The following TPRG1 variants were observed in gnomAD, a reference collection of about 807,000 sequenced individuals.
The protein encoded by TPRG1 is tumor protein p63 regulated 1.
In TPRG1, 29 loss-of-function variants were observed where a neutral mutation model predicts 29.3. The ratio of observed to expected loss-of-function variants is 0.99; its 90% CI spans 0.74 to 1.35. The LOEUF is 1.35. Ranked by LOEUF, TPRG1 falls within the 40% of genes most tolerant of loss-of-function variation. The probability of loss-of-function intolerance (pLI) is 0.00; values close to 1 mark genes in which losing one functional copy is unlikely to be tolerated. For missense variants in TPRG1, 327 were observed against 335.0 expected (o/e 0.98, Z 0.19); for synonymous variants, 130 against 116.8 (o/e 1.11, Z -0.73).
At chr3:189,217,990 G>A (rs528151933) in intron 3 of TPRG1, 2 of 985,352 alleles carry the variant, frequency 2.0e-6, no homozygotes, top group African/African-American at 3.5e-5. Flanking sequence ...AAACAAACAT[G>A]CAGGCCCAGA....
At position 189,268,517 on chromosome 3, in the gene TPRG1, A is replaced by G. The variant is rs187610298; in HGVS notation, c.479+29608A>G. Among the ~76,000 whole-genome samples, 98 of 152,320 alleles carry G rather than the reference A, an allele frequency of 6.4e-4. 1 individual carries two copies. The East Asian group carries it at 0.017, about 26-fold the overall frequency. ...CCTCCTTAGGAAGTTGTTGCCTAAG[A>G]ATTCCTGCAGAGGGCAGGATCCCAT... On this transcript the variant is annotated intron_variant, in intron 4 of 5. Transcript: ENST00000345063.
chr3:189,197,826 G>T (rs563860829), intron 1 of TPRG1, among the ~76,000 whole-genome samples: 7 of 152,188 alleles, frequency 4.6e-5, no homozygotes, highest in Non-Finnish European at 7.3e-5. Context: ...AGAGAGAAGT[G>T]AGAAATAGAT....
At chr3:189,282,188 A>G (rs2109142507) in intron 4 of TPRG1, among the ~76,000 whole-genome samples, 1 of 144,454 alleles carries the variant, frequency 6.9e-6, no homozygotes, top group South Asian at 2.3e-4. Flanking sequence ...AACCCAGGGC[A>G]ATGTCAGTAG....
At chr3:189,122,393 A>G (rs972766148) in intron 1 of TPRG1, among the ~76,000 whole-genome samples, 5 of 152,236 alleles carry the variant, frequency 3.3e-5, no homozygotes, top group East Asian at 1.9e-4. Context: ...ACATCTCCCT[A>G]TGCTTTTCCC....
chr3:189,233,208 G>T (rs935401293), intron 3 of TPRG1, among the ~76,000 whole-genome samples: 2 of 151,950 alleles, frequency 1.3e-5, no homozygotes, highest in East Asian at 3.9e-4. Flanking sequence ...TTGTGTGCAA[G>T]AGAGGGAGAC....
At chr3:189,272,708 T>C (rs1210664778) in intron 4 of TPRG1, among the ~76,000 whole-genome samples, 4 of 132,222 alleles carry the variant, frequency 3.0e-5, no homozygotes, top group Admixed American at 1.5e-4. Context: ...TTTCTTTCTT[T>C]CTTTCTCCTT....
intron 2 of TPRG1, among the ~76,000 whole-genome samples, chr3:189,132,178 A>G (rs976994134): frequency 2.4e-4 from 37 of 152,288 alleles, no homozygotes; most frequent in Admixed American, 2.3e-3. Context: ...GAGTGAGCCC[A>G]AAAGAAAGGT....
chr3:189,030,836 A>G (rs1428774558), intron 4 of TPRG1, among the ~76,000 whole-genome samples: 1 of 152,200 alleles, frequency 6.6e-6, no homozygotes. Flanking sequence ...CATTTTACAG[A>G]TGAGGAAACT....
At chr3:189,213,881 A>G (rs1328506321) in intron 2 of TPRG1, among the ~76,000 whole-genome samples, 1 of 152,028 alleles carries the variant, frequency 6.6e-6, no homozygotes, top group East Asian at 1.9e-4. Flanking sequence ...ACTTCATCAT[A>G]TTGTATTGTA....
intron 4 of TPRG1, among the ~76,000 whole-genome samples, chr3:189,290,895 G>A (rs574762496): frequency 1.3e-5 from 2 of 152,102 alleles, no homozygotes; most frequent in South Asian, 4.2e-4. Flanking sequence ...ATCTTTAGTG[G>A]CCCATTTCTT....
upstream of TPRG1, chr3:189,171,827 C>T (rs1487134193): frequency 6.6e-6 from 1 of 152,210 alleles, no homozygotes; most frequent in Non-Finnish European, 1.5e-5. Flanking sequence ...AGGGAGAGGA[C>T]AGGAGGTAAA....
At chr3:189,198,913 A>T (rs1301948562) in intron 1 of TPRG1, among the ~76,000 whole-genome samples, 2 of 152,206 alleles carry the variant, frequency 1.3e-5, no homozygotes. Context: ...TTCTCTAGTC[A>T]ATATCTTTGT....
intron 4 of TPRG1, among the ~76,000 whole-genome samples, chr3:189,044,842 A>G (rs1389262599): frequency 6.6e-6 from 1 of 152,198 alleles, no homozygotes; most frequent in African/African-American, 2.4e-5. Flanking sequence ...GAATGATATG[A>G]TCAGATCAAA....
chr3:189,287,873 C>T (rs566552997), intron 4 of TPRG1, among the ~76,000 whole-genome samples: 27 of 151,810 alleles, frequency 1.8e-4, no homozygotes, highest in East Asian at 3.9e-4. Flanking sequence ...AATGAAAGAA[C>T]GTTTTAGGTG....
At chr3:189,267,259 T>C (rs1046581527) in intron 4 of TPRG1, among the ~76,000 whole-genome samples, 1 of 152,206 alleles carries the variant, frequency 6.6e-6, no homozygotes, top group Non-Finnish European at 1.5e-5. Flanking sequence ...GGCTATACCA[T>C]CTAGCCTTGT....
At chr3:189,149,546 C>T (rs892916599) in intron 4 of TPRG1, among the ~76,000 whole-genome samples, 1 of 152,214 alleles carries the variant, frequency 6.6e-6, no homozygotes, top group African/African-American at 2.4e-5. Flanking sequence ...GACTGGTCCC[C>T]TGATGGGCAA....
intron 2 of TPRG1, among the ~76,000 whole-genome samples, chr3:189,213,054 G>A (rs1735517327): frequency 6.6e-6 from 1 of 152,286 alleles, no homozygotes; most frequent in South Asian, 2.1e-4. Flanking sequence ...GCTGCATGAT[G>A]TCTCAGAGCT....
At chr3:189,101,249 T>C (rs535391787) in intron 1 of TPRG1, among the ~76,000 whole-genome samples, 6 of 152,170 alleles carry the variant, frequency 3.9e-5, no homozygotes, top group Non-Finnish European at 8.8e-5. Context: ...TCTTCTGCCC[T>C]AATTGAAACT....
At chr3:189,156,418 G>A (rs770527885) in intron 5 of TPRG1, among the ~76,000 whole-genome samples, 8 of 152,100 alleles carry the variant, frequency 5.3e-5, no homozygotes, top group South Asian at 2.1e-4. Context: ...TTACAGCAGC[G>A]AAAGGAAACA....
Sources: gnomAD v4.1 joint callset for allele counts (sites outside exome capture counted in the v4.1 genomes callset) on GRCh38, gnomAD v4.1.1 for gene constraint, MANE v1.5 for transcripts, NCBI Gene and HGNC (gene_info 2026-07-23, HGNC 2026-07-21) for gene names.